The following ANO3 variants were observed in gnomAD, a reference collection of about 807,000 sequenced individuals.
ANO3 encodes anoctamin 3, also known as anoctamin-3.
In ANO3, 99 loss-of-function variants were observed where a neutral mutation model predicts 144.8. That is an observed-to-expected ratio of 0.68 (90% CI 0.58 to 0.81). The LOEUF (loss-of-function observed/expected upper bound fraction) is 0.81, where lower values mean the gene tolerates loss of function less well. Ranked by LOEUF, ANO3 falls within the 30% of genes least tolerant of loss-of-function variation. The pLI is 0.00. For missense variants in ANO3, 905 were observed against 1,202.2 expected, an observed-to-expected ratio of 0.75 and a Z score of 3.66; for synonymous variants, 414 against 392.6, an observed-to-expected ratio of 1.05 and a Z score of -0.64.
intron 3 of ANO3, among the ~76,000 whole-genome samples, chr11:26,447,326 A>C (rs1029169528): frequency 1.5e-4 from 22 of 151,644 alleles, no homozygotes; most frequent in African/African-American, 5.3e-4. Flanking sequence ...GTCTTATCTC[A>C]CTTAATTTTC....
At chr11:26,198,293 T>C (rs961374257) in intron 1 of ANO3, among the ~76,000 whole-genome samples, 6 of 152,188 alleles carry the variant, frequency 3.9e-5, no homozygotes, top group Admixed American at 1.3e-4. Context: ...CTCTGTATTA[T>C]CCTGTTTCTA....
At chr11:26,198,470 G>T (rs774060890) in intron 1 of ANO3, among the ~76,000 whole-genome samples, 9 of 152,074 alleles carry the variant, frequency 5.9e-5, no homozygotes, top group Non-Finnish European at 1.3e-4. Context: ...AAGCGTTCTG[G>T]CCTTTTGGTA....
chr11:26,456,141 T>G (rs1228561710), intron 3 of ANO3, among the ~76,000 whole-genome samples: 1 of 152,112 alleles, frequency 6.6e-6, no homozygotes, highest in African/African-American at 2.4e-5. Flanking sequence ...ACCTAGGCAT[T>G]ACCATTCAGG....
intron 18 of ANO3, among the ~76,000 whole-genome samples, chr11:26,631,631 A>G (rs1012718368): frequency 1.3e-5 from 2 of 152,180 alleles, no homozygotes; most frequent in Non-Finnish European, 2.9e-5. Context: ...ACTGAATTTA[A>G]AAAGCTGAAA....
chr11:26,296,703 T>C (rs11029498), intron 1 of ANO3, among the ~76,000 whole-genome samples: 24,929 of 152,114 alleles, frequency 0.16, 2,486 homozygotes, highest in African/African-American at 0.28. Context: ...GTAATTATCA[T>C]TGATGAATAA....
intron 1 of ANO3, among the ~76,000 whole-genome samples, chr11:26,393,323 A>G (rs1479403141): frequency 6.6e-6 from 1 of 152,112 alleles, no homozygotes; most frequent in African/African-American, 2.4e-5. Context: ...TGTAATGCTC[A>G]GTAAATGCAG....
intron 17 of ANO3, among the ~76,000 whole-genome samples, chr11:26,616,945 G>C (rs576729042): frequency 6.6e-6 from 1 of 152,142 alleles, no homozygotes; most frequent in African/African-American, 2.4e-5. Flanking sequence ...GCTAATTTTT[G>C]TATTTTTAGT....
chr11:26,622,120 C>T (rs777384898), intron 17 of ANO3, among the ~76,000 whole-genome samples: 1 of 152,142 alleles, frequency 6.6e-6, no homozygotes, highest in East Asian at 1.9e-4. Context: ...AGTGATGTTG[C>T]CAGTCAGCCA....
intron 4 of ANO3, among the ~76,000 whole-genome samples, chr11:26,479,504 C>T (rs1860122670): frequency 1.3e-5 from 2 of 152,036 alleles, no homozygotes; most frequent in Admixed American, 6.6e-5. Flanking sequence ...TCACATCTTG[C>T]GTGGGGGCAG....
chr11:26,516,953 A>T (rs1861886366), intron 6 of ANO3, 26 bp downstream of exon 6: 1 of 1,359,386 alleles, frequency 7.4e-7, no homozygotes, highest in Non-Finnish European at 1.0e-6. Flanking sequence ...ACTTTATTTT[A>T]TCTCAATATA....
At chr11:26,615,414 A>ATATATATATATGTATT (rs1352935016) in intron 17 of ANO3, among the ~76,000 whole-genome samples, 1 of 130,700 alleles carries the variant, frequency 7.7e-6, no homozygotes, top group African/African-American at 3.0e-5. Context: ...ATATATATAT[A>ATATATATATATGTATT]TTTTTTTTTT....
chr11:26,397,812 A>G (rs1273639816), intron 1 of ANO3, among the ~76,000 whole-genome samples: 1 of 152,054 alleles, frequency 6.6e-6, no homozygotes, highest in African/African-American at 2.4e-5. Context: ...AACTAGCTGT[A>G]ATTTTGTATC....
chr11:26,516,891 A>G lies in ANO3; in HGVS notation c.656A>G (p.Lys219Arg). The change falls in exon 6 of 27, where the codon AAG (lysine) becomes AGG (arginine). Residue 219 changes from lysine (K) to arginine (R), a missense_variant. This residue lies in a region of ANO3 where 63 missense variants were observed against 107.3 expected (regional missense o/e 0.59). Coordinates refer to ENST00000256737, the MANE Select transcript of ANO3 (RefSeq NM_031418.4). ...CACATTCCATGGGACACGCTGTGCA[A>G]GTATGCAGAGAGGCTGAATATCAGG... ...KIHIPWDTLCKYAERLNIRMP... is the reference protein window; with the variant it reads ...KIHIPWDTLCRYAERLNIRMP... 6.2e-7 allele frequency: 1 copy of G among 1,611,328 alleles called. No homozygotes were observed. The highest frequency in any genetic ancestry group is 8.5e-7 in the Non-Finnish European group (1 of 1,178,014).
At chr11:26,479,146 T>C (rs1033089029) in intron 4 of ANO3, among the ~76,000 whole-genome samples, 15 of 152,170 alleles carry the variant, frequency 9.9e-5, no homozygotes, top group Non-Finnish European at 2.2e-4. Flanking sequence ...CAGCTGTTAT[T>C]AAAGCTAACT....
intron 3 of ANO3, among the ~76,000 whole-genome samples, chr11:26,447,282 T>C (rs975090949): frequency 1.3e-5 from 2 of 151,624 alleles, no homozygotes; most frequent in Admixed American, 6.6e-5. Context: ...TAAACAATAA[T>C]TTACTGGACT....
intron 11 of ANO3, among the ~76,000 whole-genome samples, chr11:26,543,275 C>G (rs364749): frequency 0.018 from 2,743 of 152,100 alleles, 77 homozygotes; most frequent in African/African-American, 0.062. Flanking sequence ...ATATTGCCCT[C>G]TGATCTCCTG....
chr11:26,424,417 A>T (rs1857859282), intron 1 of ANO3, among the ~76,000 whole-genome samples: 1 of 151,958 alleles, frequency 6.6e-6, no homozygotes, highest in Admixed American at 6.6e-5. Context: ...CAGACAATTT[A>T]TATGTATGCA....
intron 1 of ANO3, among the ~76,000 whole-genome samples, chr11:26,369,605 C>A (rs1259353178): frequency 6.6e-6 from 1 of 152,046 alleles, no homozygotes; most frequent in African/African-American, 2.4e-5. Context: ...CTTGATACTT[C>A]TCCAGTTTAA....
At chr11:26,418,703 A>G (rs1348273260) in intron 1 of ANO3, among the ~76,000 whole-genome samples, 3 of 151,724 alleles carry the variant, frequency 2.0e-5, no homozygotes, top group African/African-American at 7.3e-5. Flanking sequence ...CAAACAAACA[A>G]GCGCGCGCGC....
Sources: allele counts gnomAD v4.1 joint callset (sites outside exome capture counted in the v4.1 genomes callset), GRCh38; gene constraint gnomAD v4.1.1; regional missense constraint gnomAD v4.1.1; transcripts MANE v1.5; gene names NCBI Gene and HGNC (gene_info 2026-07-23, HGNC 2026-07-21).